VIRMA: variants seen among roughly 807,000 people sequenced by gnomAD.
VIRMA encodes protein virilizer homolog.
Under a neutral mutation model 182.4 loss-of-function variants are expected in VIRMA, and 65 were observed. The observed-to-expected ratio is 0.36, with a 90% confidence interval of 0.29 to 0.44. VIRMA has a LOEUF of 0.44. Ranked by LOEUF, VIRMA falls within the 20% of genes least tolerant of loss-of-function variation. The pLI is 1.00. For synonymous variants in VIRMA, 709 were observed against 743.1 expected (o/e 0.95, Z 0.75); for missense variants, 1,752 against 2,158.1 (o/e 0.81, Z 3.73).
At chr8:94,518,060 A>C (rs989845648) in intron 9 of VIRMA, 118 bp from the exon 10 acceptor site, 3 of 646,562 alleles carry the variant, frequency 4.6e-6, no homozygotes, top group Non-Finnish European at 7.8e-6. Flanking sequence ...ATAAAACATG[A>C]CTAACTGTCT....
Position 94,511,290 on chromosome 8 carries a change from TA to T in VIRMA, c.3284del (p.Leu1095Ter). Reference protein sequence around the residue: ...TLANNTWSLMLKEVLSSILKV... With the variant: ...TLANNTWSLMXKEVLSSILKV... ...TCAAGATTGAAGAAAGAACTTCTTT[TA>T]ACATTAAAGACCAAGTATTATTGGC... On this transcript the variant is annotated frameshift_variant, in exon 13 of 24. Coordinates refer to ENST00000297591, the MANE Select transcript of VIRMA (RefSeq NM_015496.5). LOFTEE classifies it high-confidence loss of function. 3 of 1,613,990 alleles carry T rather than the reference TA, an allele frequency of 1.9e-6. No individual in the cohort carries two copies.
Position 94,512,138 on chromosome 8 carries a change from G to A in VIRMA, c.2752-49C>T, listed in dbSNP as rs986458278. The A allele has an allele frequency of 4.5e-6, 4 of 885,530 alleles. No individual in the cohort carries two copies. The African/African-American group carries it at 7.0e-5, about 15-fold the overall frequency. 54.9% of individuals were successfully genotyped at this position (885,530 alleles called of 1,614,324 possible). A position where few individuals can be genotyped will look rare whatever the true frequency, so the allele number is the denominator to read the frequency against. On this transcript the variant is annotated intron_variant, in intron 11 of 23. Transcript: ENST00000297591. ...ATATTTCGTTTCTTAGTACCCATGA[G>A]ATCAACAGAAAATTCCAGACAAGGA...
intron 23 of VIRMA, 140 bp downstream of exon 23, chr8:94,489,799 T>C: frequency 1.1e-6 from 1 of 892,448 alleles, no homozygotes; most frequent in Non-Finnish European, 1.7e-6. Flanking sequence ...AAGTCAAAGT[T>C]ATACTTAGAT....
intron 2 of VIRMA, 95 bp from the exon 3 acceptor site, chr8:94,538,441 C>A: frequency 1.4e-6 from 1 of 721,372 alleles, no homozygotes; most frequent in Non-Finnish European, 2.4e-6. Flanking sequence ...AAGAGCAATT[C>A]TAGAATTAGA....
At chr8:94,544,189 T>C (rs892165163) in intron 1 of VIRMA, among the ~76,000 whole-genome samples, 1 of 151,668 alleles carries the variant, frequency 6.6e-6, no homozygotes, top group African/African-American at 2.4e-5. Flanking sequence ...CTTAGACTAA[T>C]ATAGACACAG....
intron 5 of VIRMA, among the ~76,000 whole-genome samples, chr8:94,532,070 A>C (rs1201546093): frequency 6.6e-6 from 1 of 152,124 alleles, no homozygotes; most frequent in Non-Finnish European, 1.5e-5. Flanking sequence ...ATCTTGGGGC[A>C]ATGGTGTAGT....
intron 2 of VIRMA, among the ~76,000 whole-genome samples, chr8:94,543,611 T>C (rs180954462): frequency 6.6e-6 from 1 of 151,854 alleles, no homozygotes; most frequent in Non-Finnish European, 1.5e-5. Flanking sequence ...AAAAATCTTA[T>C]CTAGTACACA....
At position 94,510,553 on chromosome 8, in the gene VIRMA, A is replaced by G; in HGVS notation, c.3490T>C (p.Ser1164Pro). The stretch of plus-strand genomic sequence containing the variant: ...GGCTGGCAGGTTGTGCCAGAGAAAG[A>G]GCGAACTATTTCTTGGAGCAACTTT... ...QAKLLQEIVR[S>P]FSGTTCQPIQ... The change falls in exon 14 of 24, where the codon TCT becomes CCT. Residue 1164 changes from serine to proline, a missense_variant. Physicochemically the swap from Ser to Pro is moderately conservative, Grantham distance 74 (BLOSUM62 -1). Transcript: ENST00000297591. 6.2e-7 allele frequency: 1 copy of G among 1,614,116 alleles called. No homozygotes were observed. Among genetic ancestry groups the G allele is most frequent in the Non-Finnish European group, 8.5e-7 (1 of 1,179,978 alleles).
At chr8:94,495,122 T>C (rs1256092509) in intron 19 of VIRMA, among the ~76,000 whole-genome samples, 166 bp from the exon 20 acceptor site, 1 of 151,890 alleles carries the variant, frequency 6.6e-6, no homozygotes, top group Non-Finnish European at 1.5e-5. Flanking sequence ...CACCTTAGCC[T>C]CCCTAGTAGC....
intron 23 of VIRMA, 76 bp downstream of exon 23, chr8:94,489,863 G>T: frequency 6.7e-7 from 1 of 1,502,024 alleles, no homozygotes; most frequent in Non-Finnish European, 9.1e-7. Flanking sequence ...AGCCCCCTCT[G>T]TATATGATAT....
intron 2 of VIRMA, among the ~76,000 whole-genome samples, chr8:94,538,973 C>A (rs1245958183): frequency 6.6e-6 from 1 of 151,966 alleles, no homozygotes; most frequent in Non-Finnish European, 1.5e-5. Flanking sequence ...GTGACTACAG[C>A]TCACTGTAGC....
At position 94,511,173 on chromosome 8, in the gene VIRMA, T is replaced by C. The variant is rs144137869; in HGVS notation, c.3390+12A>G. 340 of 1,609,560 alleles carry C rather than the reference T, an allele frequency of 2.1e-4. No homozygotes were observed. Among genetic ancestry groups the C allele is most frequent in the Middle Eastern group, 8.3e-4 (5 of 6,020 alleles). ...AGTCATTTATAAGATGCATGTTATA[T>C]GGAAGTGATACCTGAGTTGTTTGCA... is the stretch of plus-strand genomic sequence containing the variant. On this transcript the variant is annotated intron_variant, in intron 13 of 23. Coordinates refer to ENST00000297591, the MANE Select transcript of VIRMA (RefSeq NM_015496.5).
chr8:94,543,871 T>C lies in VIRMA; in HGVS notation c.135A>G (p.Pro45=), dbSNP rs750731205. The C allele has an allele frequency of 1.9e-6, 3 of 1,612,574 alleles. No homozygotes were observed. The highest frequency in any genetic ancestry group is 2.5e-6 in the Non-Finnish European group (3 of 1,179,008). ...GCAGACTGCTATGGGCTCTTACTCC[T>C]GGGGGTATGACTCGGACTTCATTGA... The part of the protein sequence containing the change: ...VYINEVRVIP[P]GVRAHSSLPD... Residue 45 remains proline (P), a synonymous_variant, in exon 2 of 24, where the codon CCA becomes CCG. Coordinates refer to ENST00000297591, the MANE Select transcript of VIRMA (RefSeq NM_015496.5).
chr8:94,514,256 T>C (rs1814479558), intron 11 of VIRMA, among the ~76,000 whole-genome samples: 1 of 152,226 alleles, frequency 6.6e-6, no homozygotes, highest in Non-Finnish European at 1.5e-5. Flanking sequence ...TGCTACACGA[T>C]GGCTCGACTA....
Position 94,489,986 on chromosome 8 carries a change from T to C in VIRMA, c.5237A>G (p.Asn1746Ser), listed in dbSNP as rs1813558890. The C allele has an allele frequency of 6.2e-7, 1 of 1,614,160 alleles. No individual in the cohort carries two copies. The highest frequency in any genetic ancestry group is 8.5e-7 in the Non-Finnish European group (1 of 1,180,024). The stretch of plus-strand genomic sequence containing the variant: ...TGGTGGAAGAGGGCCTCTGTTAAAA[T>C]TGCTCTGGCCTCCACGACTTTCATT... ...NYNESRGGQS[N>S]FNRGPLPPLR... The change falls in exon 23 of 24, where the codon AAT (asparagine) becomes AGT (serine). Residue 1746 changes from asparagine to serine, a missense_variant. By Grantham distance (46) the Asn-to-Ser change is conservative (BLOSUM62 1). This residue lies in a region of VIRMA where 132 missense variants were observed against 173.8 expected (regional missense o/e 0.76). Transcript: ENST00000297591.
intron 6 of VIRMA, among the ~76,000 whole-genome samples, chr8:94,529,958 T>G (rs1815107042): frequency 6.6e-6 from 1 of 152,006 alleles, no homozygotes; most frequent in African/African-American, 2.4e-5. Flanking sequence ...TTTTATTTTA[T>G]TTTTATTTTT....
intron 5 of VIRMA, 151 bp downstream of exon 5, chr8:94,534,688 A>T: frequency 1.4e-6 from 1 of 736,414 alleles, no homozygotes; most frequent in South Asian, 2.1e-5. Flanking sequence ...TCTCCCTCTC[A>T]TCTCCTCCCT....
chr8:94,534,988 A>C lies in VIRMA; in HGVS notation c.335T>G (p.Val112Gly). 1 of 1,603,372 alleles carries C rather than the reference A, an allele frequency of 6.2e-7. No homozygotes were observed. The highest frequency in any genetic ancestry group is 8.5e-7 in the Non-Finnish European group (1 of 1,177,342). The change falls in exon 5 of 24, where the codon GTG (valine) becomes GGG (glycine). Residue 112 changes from valine to glycine, a missense_variant. Physicochemically the swap from Val to Gly is moderately radical, Grantham distance 109 (BLOSUM62 -3). Coordinates refer to ENST00000297591, the MANE Select transcript of VIRMA (RefSeq NM_015496.5). ...CAGACAGTTATACCAGCCTCTTAGC[A>C]CCAGACCATCAGTATTCACCTGATT... is the stretch of plus-strand genomic sequence containing the variant. ...PNSKVNTDGL[V>G]LRGWYNCLTL... is the part of the protein sequence containing the mutation.
At chr8:94,546,926 AT>A (rs1815790803) in intron 1 of VIRMA, 1 of 455,408 alleles carries the variant, frequency 2.2e-6, no homozygotes, top group South Asian at 1.5e-5. Flanking sequence ...CCAAACTTAT[AT>A]CCCTAGCTTA....
Sources: allele counts gnomAD v4.1 joint callset (sites outside exome capture counted in the v4.1 genomes callset), GRCh38; gene constraint gnomAD v4.1.1; regional missense constraint gnomAD v4.1.1; transcripts MANE v1.5; gene names NCBI Gene and HGNC (gene_info 2026-07-23, HGNC 2026-07-21).